Variants in ZBTB20 observed in about 807,000 individuals in gnomAD.
ZBTB20 encodes zinc finger and BTB domain containing 20.
A neutral mutation model predicts 56.9 loss-of-function variants in ZBTB20; 9 were observed. The ratio of observed to expected loss-of-function variants is 0.16; its 90% CI spans 0.10 to 0.28. The LOEUF (loss-of-function observed/expected upper bound fraction) is 0.28, where lower values mean the gene tolerates loss of function less well. Among genes scored for constraint, ZBTB20 ranks in the 10% least tolerant of loss-of-function variants. The probability of loss-of-function intolerance (pLI) is 1.00; values close to 1 mark genes in which losing one functional copy is unlikely to be tolerated. For missense variants in ZBTB20, 655 were observed against 1,003.0 expected, an observed-to-expected ratio of 0.65 and a Z score of 4.69; for synonymous variants, 417 against 420.7, an observed-to-expected ratio of 0.99 and a Z score of 0.11.
At chr3:114,607,054 C>T (rs562546914) in intron 6 of ZBTB20, among the ~76,000 whole-genome samples, 5 of 151,864 alleles carry the variant, frequency 3.3e-5, no homozygotes, top group East Asian at 2.0e-4. Context: ...GCCGAGATCA[C>T]GCCACTGCAC....
At chr3:114,484,566 T>C (rs2041899914) in intron 7 of ZBTB20, among the ~76,000 whole-genome samples, 1 of 152,240 alleles carries the variant, frequency 6.6e-6, no homozygotes, top group Admixed American at 6.5e-5. Context: ...TTTTCATTAC[T>C]GATACATACA....
At chr3:114,409,074 G>A (rs1296876243) in intron 7 of ZBTB20, among the ~76,000 whole-genome samples, 1 of 146,896 alleles carries the variant, frequency 6.8e-6, no homozygotes, top group East Asian at 2.0e-4. Flanking sequence ...AGAAAAGGTT[G>A]AACGTACTCT....
At chr3:114,948,728 G>A (rs1267721409) in intron 3 of ZBTB20, among the ~76,000 whole-genome samples, 1 of 145,342 alleles carries the variant, frequency 6.9e-6, no homozygotes, top group Non-Finnish European at 1.5e-5. Flanking sequence ...CCAATTACAA[G>A]AGCATTAAAA....
intron 5 of ZBTB20, among the ~76,000 whole-genome samples, chr3:114,694,228 T>C (rs573059152): frequency 1.2e-4 from 19 of 152,218 alleles, no homozygotes; most frequent in South Asian, 1.2e-3. Flanking sequence ...TGCGAAGTCA[T>C]AGAACAACAA....
Position 114,350,260 on chromosome 3 carries a change from G to T in ZBTB20, c.1804+14C>A, listed in dbSNP as rs936353662. 3.2e-6 allele frequency: 5 copies of T among 1,579,332 alleles called. No homozygotes were observed. The African/African-American group carries it at 6.7e-5, about 21-fold the overall frequency. On this transcript the variant is annotated intron_variant, in intron 11 of 11. Transcript: ENST00000675478. ...AGCCCCTGCTGCCAGGCCTCCAGGT[G>T]GGGTGACACTCACCTGTGTGTACGA... is the stretch of plus-strand genomic sequence containing the variant.
intron 1 of ZBTB20, among the ~76,000 whole-genome samples, chr3:115,137,805 T>C (rs1434631660): frequency 6.6e-6 from 1 of 152,112 alleles, no homozygotes; most frequent in African/African-American, 2.4e-5. Context: ...AGATTATAAA[T>C]GTTCCTAGAA....
intron 5 of ZBTB20, among the ~76,000 whole-genome samples, chr3:114,769,552 CATATATATATATATATATATATATAT>C (rs6148023): frequency 2.4e-4 from 28 of 116,736 alleles, no homozygotes; most frequent in African/African-American, 6.3e-4. Flanking sequence ...TGCCAAAATG[CATATATATATATATATATATATATAT>C]ATATATATAT....
intron 7 of ZBTB20, among the ~76,000 whole-genome samples, chr3:114,485,021 T>C (rs1299169295): frequency 1.3e-5 from 2 of 152,168 alleles, no homozygotes; most frequent in African/African-American, 4.8e-5. Flanking sequence ...AAGGATTGAT[T>C]TGGTAGCTTT....
intron 5 of ZBTB20, among the ~76,000 whole-genome samples, chr3:114,773,192 C>A (rs867387850): frequency 2.1e-4 from 32 of 152,194 alleles, no homozygotes; most frequent in African/African-American, 7.7e-4. Flanking sequence ...CCAGCCGACA[C>A]CTTGATTTTG....
intron 3 of ZBTB20, among the ~76,000 whole-genome samples, chr3:114,941,631 T>C (rs2076727089): frequency 6.8e-6 from 1 of 146,286 alleles, no homozygotes; most frequent in Non-Finnish European, 1.5e-5. Flanking sequence ...AATAATAAAT[T>C]GGTAGTTTTC....
chr3:114,475,242 T>C (rs907003906), intron 7 of ZBTB20, among the ~76,000 whole-genome samples: 85 of 152,194 alleles, frequency 5.6e-4, no homozygotes, highest in African/African-American at 1.9e-3. Context: ...TCCTGCTTGT[T>C]TTTCAAAGCC....
At chr3:114,451,449 A>AC (rs1298563289) in intron 7 of ZBTB20, among the ~76,000 whole-genome samples, 2 of 151,910 alleles carry the variant, frequency 1.3e-5, no homozygotes, top group African/African-American at 4.8e-5. Context: ...TTAAAAATGG[A>AC]CCCCCCAAAA....
At chr3:115,105,091 T>C (rs1379689117) in intron 1 of ZBTB20, among the ~76,000 whole-genome samples, 1 of 151,990 alleles carries the variant, frequency 6.6e-6, no homozygotes, top group African/African-American at 2.4e-5. Context: ...ACAAATAGCT[T>C]GCGTACCCTC....
At chr3:114,362,136 C>T (rs886735378) in intron 10 of ZBTB20, among the ~76,000 whole-genome samples, 7 of 152,142 alleles carry the variant, frequency 4.6e-5, no homozygotes, top group South Asian at 4.2e-4. Context: ...TAGAAAAATA[C>T]GGGAATTTTT....
intron 6 of ZBTB20, among the ~76,000 whole-genome samples, chr3:114,656,843 A>C (rs527621377): frequency 6.6e-6 from 1 of 152,282 alleles, no homozygotes; most frequent in African/African-American, 2.4e-5. Context: ...TCCTGGGTTC[A>C]AGCTATCTAT....
chr3:114,534,892 T>G (rs1004113511), intron 6 of ZBTB20, among the ~76,000 whole-genome samples: 7 of 152,162 alleles, frequency 4.6e-5, no homozygotes, highest in African/African-American at 1.7e-4. Flanking sequence ...GAATGACTAC[T>G]GGGTAAACAA....
chr3:114,525,328 C>A (rs1360010661), intron 6 of ZBTB20, among the ~76,000 whole-genome samples: 1 of 152,192 alleles, frequency 6.6e-6, no homozygotes. Flanking sequence ...TGGGTTCACA[C>A]AACAGCTTTG....
Position 114,642,395 on chromosome 3 carries a change from A to C in ZBTB20, c.-295+51133T>G, listed in dbSNP as rs78149552. Among the ~76,000 whole-genome samples the C allele has an allele frequency of 8.4e-3, 1,278 of 152,190 alleles. 19 individuals carry two copies. Among genetic ancestry groups the C allele is most frequent in the African/African-American group, 0.029 (1,201 of 41,552 alleles). ...AATTACTTTGATGTTCTAGAATATG[A>C]TCAACACTTAACTGATATTGGCAAT... On this transcript the variant is annotated intron_variant, in intron 6 of 11. Coordinates refer to ENST00000675478, the MANE Select transcript of ZBTB20 (RefSeq NM_001348800.3).
intron 2 of ZBTB20, among the ~76,000 whole-genome samples, chr3:115,028,249 A>G (rs2080508694): frequency 6.6e-6 from 1 of 150,796 alleles, no homozygotes; most frequent in Non-Finnish European, 1.5e-5. Context: ...CAAAAACAAA[A>G]TATTTCCAAA....
Sources: allele counts gnomAD v4.1 joint callset (sites outside exome capture counted in the v4.1 genomes callset), GRCh38; gene constraint gnomAD v4.1.1; transcripts MANE v1.5; gene names NCBI Gene and HGNC (gene_info 2026-07-23, HGNC 2026-07-21).